LRRIQ1: variants seen among roughly 807,000 people sequenced by gnomAD.
LRRIQ1 encodes leucine-rich repeat- and IQ domain-containing protein 1.
Under a neutral mutation model 211.9 loss-of-function variants are expected in LRRIQ1, and 210 were observed. That is an observed-to-expected ratio of 0.99 (90% confidence interval 0.89 to 1.11). The LOEUF (loss-of-function observed/expected upper bound fraction) is 1.11, where lower values mean the gene tolerates loss of function less well. Among genes scored for constraint, LRRIQ1 ranks in the 50% most tolerant of loss-of-function variants. LRRIQ1 has a pLI of 0.00. For synonymous variants in LRRIQ1, 699 were observed against 650.1 expected, an observed-to-expected ratio of 1.08 and a Z score of -1.14; for missense variants, 2,136 against 1,939.5, an observed-to-expected ratio of 1.10 and a Z score of -1.90.
chr12:85,235,296 G>A (rs1895126179), intron 26 of LRRIQ1, among the ~76,000 whole-genome samples: 1 of 152,096 alleles, frequency 6.6e-6, no homozygotes, highest in African/African-American at 2.4e-5. Context: ...GAATTTTCCT[G>A]CAGAAGACAG....
At chr12:85,243,465 A>G (rs1223523645) in intron 26 of LRRIQ1, among the ~76,000 whole-genome samples, 1 of 150,542 alleles carries the variant, frequency 6.6e-6, no homozygotes. Flanking sequence ...CAATGTCATT[A>G]TATTACTTAG....
chr12:85,089,990 G>A (rs947406157), intron 11 of LRRIQ1, among the ~76,000 whole-genome samples: 2 of 152,194 alleles, frequency 1.3e-5, no homozygotes, highest in African/African-American at 2.4e-5. Flanking sequence ...TTTCCTCAGC[G>A]AGGCCAAGGG....
At chr12:85,203,983 C>T (rs1474148131) in intron 24 of LRRIQ1, among the ~76,000 whole-genome samples, 2 of 152,130 alleles carry the variant, frequency 1.3e-5, no homozygotes, top group Non-Finnish European at 2.9e-5. Context: ...ACGACAGCCC[C>T]TCCCATCACA....
At chr12:85,134,542 T>C (rs1305711996) in intron 18 of LRRIQ1, among the ~76,000 whole-genome samples, 4 of 152,042 alleles carry the variant, frequency 2.6e-5, no homozygotes, top group Non-Finnish European at 5.9e-5. Flanking sequence ...ATGCTACTTA[T>C]TTACCCTCCT....
intron 24 of LRRIQ1, among the ~76,000 whole-genome samples, chr12:85,194,549 T>C (rs1428090274): frequency 1.3e-5 from 2 of 150,248 alleles, no homozygotes; most frequent in African/African-American, 4.9e-5. Flanking sequence ...ACATGGAAAC[T>C]GAACAACCTG....
chr12:85,243,784 G>C (rs541969320), intron 26 of LRRIQ1, among the ~76,000 whole-genome samples: 9 of 151,660 alleles, frequency 5.9e-5, no homozygotes, highest in Non-Finnish European at 1.0e-4. Context: ...AAGGTGGGAG[G>C]GGGATGTAAA....
chr12:85,060,788 G>T (rs1433119192), intron 8 of LRRIQ1, among the ~76,000 whole-genome samples: 1 of 151,806 alleles, frequency 6.6e-6, no homozygotes, highest in East Asian at 1.9e-4. Flanking sequence ...CATTACTTTT[G>T]TAATTACGTT....
chr12:85,153,076 C>A lies in LRRIQ1; in HGVS notation c.4472C>A (p.Pro1491Gln). Residue 1491 changes from proline (P) to glutamine (Q), a missense_variant, in exon 21 of 27, where the codon CCA becomes CAA. Physicochemically the swap from Pro to Gln is moderately conservative, Grantham distance 76. Coordinates refer to ENST00000393217, the MANE Select transcript of LRRIQ1 (RefSeq NM_001079910.2). Reference protein sequence around the residue: ...DDTSFNLPSNPAQAWLCNDKE... With the variant: ...DDTSFNLPSNQAQAWLCNDKE... ...ACTTCATTTAATTTACCAAGTAATC[C>A]AGCTCAAGCATGGTTATGTAATGAC... 2 of 1,582,520 alleles carry A rather than the reference C, an allele frequency of 1.3e-6. No homozygotes were observed. Among genetic ancestry groups the A allele is most frequent in the Non-Finnish European group, 1.7e-6 (2 of 1,159,564 alleles).
intron 24 of LRRIQ1, among the ~76,000 whole-genome samples, chr12:85,199,482 A>G (rs1046035671): frequency 1.3e-5 from 2 of 152,082 alleles, no homozygotes; most frequent in African/African-American, 4.8e-5. Flanking sequence ...TTTTTGTACC[A>G]GTTCTATGCT....
At chr12:85,219,867 C>G (rs1424626236) in intron 24 of LRRIQ1, among the ~76,000 whole-genome samples, 1 of 152,042 alleles carries the variant, frequency 6.6e-6, no homozygotes, top group East Asian at 1.9e-4. Flanking sequence ...TGTCAACTTT[C>G]CAACAACAGA....
intron 26 of LRRIQ1, among the ~76,000 whole-genome samples, chr12:85,237,516 G>T (rs550546252): frequency 6.6e-6 from 1 of 152,176 alleles, no homozygotes; most frequent in East Asian, 1.9e-4. Flanking sequence ...ACTGCACTAT[G>T]TGACTCATTG....
chr12:85,206,981 A>G (rs1893589946), intron 24 of LRRIQ1, among the ~76,000 whole-genome samples: 1 of 152,030 alleles, frequency 6.6e-6, no homozygotes, highest in Non-Finnish European at 1.5e-5. Flanking sequence ...ATGTTCCCAC[A>G]CCAAACCCTT....
chr12:85,096,044 T>G (rs1424807734), intron 11 of LRRIQ1, among the ~76,000 whole-genome samples: 1 of 152,164 alleles, frequency 6.6e-6, no homozygotes, highest in Admixed American at 6.5e-5. Context: ...TATTTGGATC[T>G]TCTCTCATTT....
chr12:85,073,037 T>C lies in LRRIQ1; in HGVS notation c.2826T>C (p.Pro942=), dbSNP rs1883263196. ...CTGGATTATGTTGGTCCTGGATACC[T>C]ATTACCTCACTTACAAAAAATTCAG... ...IPTGLCWSWI[P]ITSLTKNSDC... Residue 942 remains proline, a synonymous_variant, in exon 11 of 27, where the codon CCT becomes CCC. Transcript: ENST00000393217. 1.2e-6 allele frequency: 2 copies of C among 1,611,604 alleles called. No homozygotes were observed. The highest frequency in any genetic ancestry group is 1.7e-6 in the Non-Finnish European group (2 of 1,178,606).
At chr12:85,231,699 C>G (rs909976381) in intron 25 of LRRIQ1, among the ~76,000 whole-genome samples, 1 of 152,052 alleles carries the variant, frequency 6.6e-6, no homozygotes, top group African/African-American at 2.4e-5. Context: ...TTTCAACAAC[C>G]CATTCTCATG....
chr12:85,208,560 A>G (rs1288568160), intron 24 of LRRIQ1, among the ~76,000 whole-genome samples: 1 of 152,208 alleles, frequency 6.6e-6, no homozygotes, highest in Non-Finnish European at 1.5e-5. Context: ...GATACAGAAT[A>G]TGAAATAAGT....
chr12:85,186,185 G>T (rs374835046), intron 24 of LRRIQ1, among the ~76,000 whole-genome samples: 5 of 152,238 alleles, frequency 3.3e-5, no homozygotes, highest in East Asian at 1.9e-4. Context: ...TCAAAAGAAA[G>T]TTATAGTTAT....
chr12:85,101,896 C>T (rs1410808601), intron 13 of LRRIQ1, among the ~76,000 whole-genome samples: 2 of 151,508 alleles, frequency 1.3e-5, no homozygotes, highest in South Asian at 4.2e-4. Flanking sequence ...CATTTGAGGT[C>T]TTTTTATAAC....
Position 85,056,783 on chromosome 12 carries a change from A to T in LRRIQ1, c.1990A>T (p.Met664Leu). 1.2e-6 allele frequency: 2 copies of T among 1,609,324 alleles called. No individual in the cohort carries two copies. The highest frequency in any genetic ancestry group is 1.7e-6 in the Non-Finnish European group (2 of 1,178,548). The stretch of plus-strand genomic sequence containing the variant: ...TGTGATTTTTAACACAACTGATACC[A>T]TGATAAATATAGAAGGCAAAAGAAA... ...GIVIFNTTDTMINIEGKRNDQ... is the reference protein window; with the variant it reads ...GIVIFNTTDTLINIEGKRNDQ... The change falls in exon 8 of 27, where the codon ATG becomes TTG. Residue 664 changes from methionine (M) to leucine (L), a missense_variant. Transcript: ENST00000393217.
Sources: allele counts gnomAD v4.1 joint callset (sites outside exome capture counted in the v4.1 genomes callset), GRCh38; gene constraint gnomAD v4.1.1; transcripts MANE v1.5; gene names NCBI Gene and HGNC (gene_info 2026-07-23, HGNC 2026-07-21).